The following KAZN variants were observed in gnomAD, a reference collection of about 807,000 sequenced individuals.
KAZN encodes kazrin, periplakin interacting protein.
Under a neutral mutation model 87.4 loss-of-function variants are expected in KAZN, and 40 were observed. That is an observed-to-expected ratio of 0.46 (90% CI 0.36 to 0.60). The LOEUF is 0.60. Ranked by LOEUF, KAZN falls within the 20% of genes least tolerant of loss-of-function variation. KAZN has a pLI of 0.00. For missense variants in KAZN, 898 were observed against 1,073.9 expected (o/e 0.84, Z 2.29); for synonymous variants, 466 against 458.3 (o/e 1.02, Z -0.22).
At chr1:14,466,726 C>T (rs371218856) in intron 2 of KAZN, among the ~76,000 whole-genome samples, 56 of 151,186 alleles carry the variant, frequency 3.7e-4, no homozygotes, top group South Asian at 8.4e-4. Flanking sequence ...CCCAGCACTT[C>T]GGGAGGCCGA....
chr1:14,742,027 T>C (rs985429168), intron 1 of KAZN, among the ~76,000 whole-genome samples: 14 of 152,316 alleles, frequency 9.2e-5, no homozygotes, highest in Middle Eastern at 3.4e-3. Flanking sequence ...GAAATGGCTA[T>C]ACAGAAAAAT....
At chr1:14,807,682 T>C (rs1379819710) in intron 1 of KAZN, among the ~76,000 whole-genome samples, 1 of 151,986 alleles carries the variant, frequency 6.6e-6, no homozygotes, top group Non-Finnish European at 1.5e-5. Context: ...GATAGTAGGA[T>C]CATCTCATCT....
At chr1:14,298,643 A>G (rs576013951) in intron 2 of KAZN, among the ~76,000 whole-genome samples, 15 of 152,330 alleles carry the variant, frequency 9.8e-5, no homozygotes, top group African/African-American at 3.1e-4. Context: ...GAAAGGAATG[A>G]AAGTACACCT....
chr1:14,815,113 AG>A (rs1377820509), intron 1 of KAZN, among the ~76,000 whole-genome samples: 1 of 152,126 alleles, frequency 6.6e-6, no homozygotes, highest in Non-Finnish European at 1.5e-5. Flanking sequence ...GGGACTGACA[AG>A]GGTGTGACCT....
At chr1:14,947,709 C>G (rs1262849689) in intron 1 of KAZN, among the ~76,000 whole-genome samples, 2 of 152,058 alleles carry the variant, frequency 1.3e-5, no homozygotes, top group Non-Finnish European at 2.9e-5. Context: ...ATTACTGCCT[C>G]TGCAAAATGG....
At chr1:14,694,680 T>C (rs1271790464) in intron 1 of KAZN, among the ~76,000 whole-genome samples, 1 of 152,210 alleles carries the variant, frequency 6.6e-6, no homozygotes, top group Admixed American at 6.5e-5. Context: ...CTGACTCTGC[T>C]ACTTATAGGC....
chr1:14,265,005 C>T (rs1045797624), intron 2 of KAZN, among the ~76,000 whole-genome samples: 1 of 152,180 alleles, frequency 6.6e-6, no homozygotes, highest in African/African-American at 2.4e-5. Flanking sequence ...GTGATTTATA[C>T]ATACATGAAA....
intron 2 of KAZN, among the ~76,000 whole-genome samples, chr1:14,586,201 G>C (rs1469226874): frequency 6.6e-6 from 1 of 152,234 alleles, no homozygotes; most frequent in African/African-American, 2.4e-5. Context: ...TCAAAGGAAT[G>C]CTTCCTAGTG....
intron 2 of KAZN, among the ~76,000 whole-genome samples, chr1:14,471,738 C>G (rs935766256): frequency 6.6e-6 from 1 of 152,152 alleles, no homozygotes; most frequent in Admixed American, 6.5e-5. Flanking sequence ...TTGGGGTTAA[C>G]CCTTAAATAG....
intron 1 of KAZN, among the ~76,000 whole-genome samples, chr1:14,656,474 T>C (rs1638798935): frequency 6.6e-6 from 1 of 152,220 alleles, no homozygotes; most frequent in African/African-American, 2.4e-5. Flanking sequence ...ACGTGCCAGA[T>C]GCTCAATCCT....
intron 14 of KAZN, 42 bp downstream of exon 14, chr1:15,112,583 G>T (rs1384206548): frequency 7.2e-7 from 1 of 1,385,122 alleles, no homozygotes; most frequent in East Asian, 2.5e-5. Flanking sequence ...CTGCAGACCC[G>T]GGAAAGGTCT....
intron 4 of KAZN, among the ~76,000 whole-genome samples, chr1:15,044,460 A>G (rs1391279267): frequency 6.6e-6 from 1 of 152,096 alleles, no homozygotes; most frequent in Admixed American, 6.5e-5. Context: ...TACTATTAGG[A>G]AAAAAAGGCC....
chr1:14,326,564 T>G (rs1282270916), intron 2 of KAZN, among the ~76,000 whole-genome samples: 1 of 152,134 alleles, frequency 6.6e-6, no homozygotes, highest in African/African-American at 2.4e-5. Flanking sequence ...AGCCCTCCAA[T>G]GGTTCCCCAT....
intron 1 of KAZN, among the ~76,000 whole-genome samples, chr1:13,999,169 G>A (rs1001012106): frequency 1.3e-5 from 2 of 152,078 alleles, no homozygotes; most frequent in Non-Finnish European, 2.9e-5. Context: ...CCAACATAGT[G>A]AAACTCCATC....
At chr1:14,404,963 C>G (rs1663708850) in intron 2 of KAZN, among the ~76,000 whole-genome samples, 1 of 152,188 alleles carries the variant, frequency 6.6e-6, no homozygotes. Flanking sequence ...GCTGGGAGAG[C>G]TCCTCCTGGA....
At chr1:14,329,242 G>T (rs1000626584) in intron 2 of KAZN, among the ~76,000 whole-genome samples, 1 of 152,054 alleles carries the variant, frequency 6.6e-6, no homozygotes, top group African/African-American at 2.4e-5. Flanking sequence ...TAGATTAGCG[G>T]CTCCAGCAGA....
chr1:14,255,026 C>T (rs1025756933), intron 2 of KAZN, among the ~76,000 whole-genome samples: 2 of 148,102 alleles, frequency 1.4e-5, no homozygotes, highest in Non-Finnish European at 3.0e-5. Context: ...GAGGCTGAGG[C>T]AGGAGAATTG....
At chr1:14,382,573 G>A (rs1456636531) in intron 2 of KAZN, among the ~76,000 whole-genome samples, 1 of 147,314 alleles carries the variant, frequency 6.8e-6, no homozygotes, top group Non-Finnish European at 1.5e-5. Flanking sequence ...GCGGTGTTTG[G>A]TTTTTTGTTC....
At chr1:14,384,806 G>C (rs1456333879) in intron 2 of KAZN, among the ~76,000 whole-genome samples, 3 of 151,768 alleles carry the variant, frequency 2.0e-5, no homozygotes, top group African/African-American at 7.3e-5. Flanking sequence ...GCCCGGCTTT[G>C]GTATCAGGAT....
Sources: allele counts gnomAD v4.1 joint callset (sites outside exome capture counted in the v4.1 genomes callset), GRCh38; gene constraint gnomAD v4.1.1; transcripts MANE v1.5; gene names NCBI Gene and HGNC (gene_info 2026-07-23, HGNC 2026-07-21).